Variants in NPC2 observed in about 807,000 individuals in gnomAD.
NPC2 encodes the protein Niemann-Pick disease type C2 protein.
A neutral mutation model predicts 17.0 loss-of-function variants in NPC2; 14 were observed. The observed-to-expected ratio is 0.82, with a 90% CI of 0.54 to 1.29. The LOEUF (loss-of-function observed/expected upper bound fraction) is 1.29, where lower values mean the gene tolerates loss of function less well. Ranked by LOEUF, NPC2 falls within the 50% of genes most tolerant of loss-of-function variation. The pLI is 0.00. For synonymous variants in NPC2, 75 were observed against 69.3 expected, an observed-to-expected ratio of 1.08 and a Z score of -0.41; for missense variants, 167 against 183.4, an observed-to-expected ratio of 0.91 and a Z score of 0.52.
chr14:74,481,587 T>A (rs11845370), intron 3 of NPC2, among the ~76,000 whole-genome samples: 34,605 of 152,110 alleles, frequency 0.23, 4,389 homozygotes, highest in African/African-American at 0.33. Context: ...GTAAAAAAAA[T>A]TTAGATTCTT....
chr14:74,493,013 C>A lies in NPC2; in HGVS notation c.82+180G>T, dbSNP rs370542756. On this transcript the variant is annotated intron_variant, in intron 1 of 4. Transcript: ENST00000555619. The surrounding 1 kb of genome is among the most constrained non-coding windows in gnomAD (Gnocchi z 4.1). Reference sequence around the variant, plus strand: ...GGAAAGAAACAAAGTTGTGCGCGGTCGGGTTTCATGGAGGCCGGCGCCTTC... The same window carrying A: ...GGAAAGAAACAAAGTTGTGCGCGGTAGGGTTTCATGGAGGCCGGCGCCTTC... Among the ~76,000 whole-genome samples the A allele has an allele frequency of 6.6e-6, 1 of 152,234 alleles. No homozygotes were observed. The highest frequency in any genetic ancestry group is 2.1e-4 in the South Asian group (1 of 4,838).
In NPC2 at chr14:74,480,034, A is replaced by C; in HGVS notation, c.*240T>G. On this transcript the variant is annotated 3_prime_UTR_variant, in exon 5 of 5. Transcript: ENST00000555619. ...AGTTAATGTTGTTAAAAAAAAAATTAAACATCTGCTAACCAAGTGCTGCAT... is the reference window on the plus strand; with the variant it reads ...AGTTAATGTTGTTAAAAAAAAAATTCAACATCTGCTAACCAAGTGCTGCAT... 1 of 1,476,842 alleles carries C rather than the reference A, an allele frequency of 6.8e-7. No homozygotes were observed. Among genetic ancestry groups the C allele is most frequent in the Admixed American group, 2.5e-5 (1 of 40,214 alleles). 91.5% of individuals were successfully genotyped at this position (1,476,842 alleles called of 1,614,324 possible). A position where few individuals can be genotyped will look rare whatever the true frequency, so the allele number is the denominator to read the frequency against.
At chr14:74,488,737 A>C (rs1360560489) in intron 1 of NPC2, among the ~76,000 whole-genome samples, 1 of 151,904 alleles carries the variant, frequency 6.6e-6, no homozygotes, top group Non-Finnish European at 1.5e-5. Context: ...AAATAAAATA[A>C]GACTGATTCC....
At chr14:74,485,359 T>G (rs1455350918) in intron 2 of NPC2, among the ~76,000 whole-genome samples, 1 of 149,290 alleles carries the variant, frequency 6.7e-6, no homozygotes, top group Non-Finnish European at 1.5e-5. Context: ...ATGCAATTCT[T>G]TATAAACTTT....
At position 74,483,092 on chromosome 14, in the gene NPC2, A is replaced by G. The variant is rs1177441846; in HGVS notation, c.363+1323T>C. ...CCAACGATAGAAGATTCCTACAGAA[A>G]GCAAGTTGAAGTCAACTGCCAACAG... On this transcript the variant is annotated intron_variant, in intron 3 of 4. Coordinates refer to ENST00000555619, the MANE Select transcript of NPC2 (RefSeq NM_006432.5). The G allele has an allele frequency of 1.1e-5, 13 of 1,186,904 alleles. No homozygotes were observed. In the East Asian group the frequency reaches 2.1e-4, roughly 20 times the overall value. 73.5% of individuals were successfully genotyped at this position (1,186,904 alleles called of 1,614,324 possible).
At chr14:74,485,558 A>T (rs914716288) in intron 2 of NPC2, among the ~76,000 whole-genome samples, 2 of 141,008 alleles carry the variant, frequency 1.4e-5, no homozygotes, top group Non-Finnish European at 3.0e-5. Context: ...AGGCCAGGGT[A>T]TAGTCCAGAG....
intron 1 of NPC2, among the ~76,000 whole-genome samples, chr14:74,487,235 C>T (rs1329187808): frequency 2.7e-5 from 4 of 150,300 alleles, no homozygotes; most frequent in Non-Finnish European, 4.4e-5. Context: ...AGGCGTGAGT[C>T]ATTGCACCCT....
At position 74,493,256 on chromosome 14, in the gene NPC2, TAGCTGCC is replaced by T. The variant is rs1320549584; in HGVS notation, c.12_18del (p.Ala5HisfsTer28). ...GTGCTGAGCGCCAGGAGCAGGAATGTAGCTGCCAGGAAACGCATCGCGGATAACGAAG... is the reference window on the plus strand; with the variant it reads ...GTGCTGAGCGCCAGGAGCAGGAATGTAGGAAACGCATCGCGGATAACGAAG... On this transcript the variant is annotated frameshift_variant, in exon 1 of 5. Transcript: ENST00000555619. LOFTEE classifies it high-confidence loss of function. This position sits in a 1 kb window ranked among gnomAD's most constrained non-coding sequence, Gnocchi z 4.1. The T allele has an allele frequency of 6.2e-7, 1 of 1,613,346 alleles. No individual in the cohort carries two copies. Among genetic ancestry groups the T allele is most frequent in the Non-Finnish European group, 8.5e-7 (1 of 1,179,740 alleles).
rs970145012 is a variant in NPC2 at position 74,493,241 on chromosome 14, C to T, written c.34G>A (p.Ala12Thr). The T allele has an allele frequency of 1.2e-6, 2 of 1,613,148 alleles. No homozygotes were observed. The highest frequency in any genetic ancestry group is 1.3e-5 in the African/African-American group (1 of 74,904). ...TCGGCCTGGGCAGCGGTGCTGAGCG[C>T]CAGGAGCAGGAATGTAGCTGCCAGG... The part of the protein sequence containing the change: ...RFLAATFLLL[A>T]LSTAAQAEPV... Residue 12 changes from alanine to threonine, a missense_variant, in exon 1 of 5, where the codon GCG becomes ACG. Ala to Thr is a moderately conservative substitution (Grantham distance 58). Transcript: ENST00000555619. This position sits in a 1 kb window ranked among gnomAD's most constrained non-coding sequence, Gnocchi z 4.1.
chr14:74,493,429 G>C, upstream of NPC2: 1 of 1,519,102 alleles, frequency 6.6e-7, no homozygotes, highest in Non-Finnish European at 8.9e-7. This position sits in a 1 kb window ranked among gnomAD's most constrained non-coding sequence, Gnocchi z 4.1. Flanking sequence ...CCCGGCTCCG[G>C]AAAGCCAGCT....
intron 2 of NPC2, among the ~76,000 whole-genome samples, chr14:74,484,851 G>C (rs1166392834): frequency 6.6e-6 from 1 of 150,632 alleles, no homozygotes; most frequent in African/African-American, 2.4e-5. Flanking sequence ...GAGAATCAGA[G>C]ATACCTGGAT....
At chr14:74,487,177 C>T (rs1366856193) in intron 1 of NPC2, among the ~76,000 whole-genome samples, 2 of 152,026 alleles carry the variant, frequency 1.3e-5, no homozygotes, top group African/African-American at 4.8e-5. Context: ...TCTTGATCTC[C>T]TGACCTCGTG....
chr14:74,493,458 G>C (rs1228095699), upstream of NPC2: 10 of 1,374,918 alleles, frequency 7.3e-6, no homozygotes, highest in African/African-American at 1.3e-4. This position sits in a 1 kb window ranked among gnomAD's most constrained non-coding sequence, Gnocchi z 4.1. Context: ...CTCAGGCCCA[G>C]AAGCCTGCAG....
intron 3 of NPC2, chr14:74,483,376 T>C: frequency 7.0e-7 from 1 of 1,429,670 alleles, no homozygotes; most frequent in Non-Finnish European, 9.8e-7. Flanking sequence ...GATGGAACTG[T>C]GCCATTTTAG....
intron 1 of NPC2, among the ~76,000 whole-genome samples, chr14:74,492,183 A>G (rs10136668): frequency 0.22 from 34,079 of 151,952 alleles, 4,231 homozygotes; most frequent in African/African-American, 0.32. Context: ...AAAAACTCTG[A>G]TCCCCGAATG....
intron 3 of NPC2, among the ~76,000 whole-genome samples, chr14:74,482,768 G>A (rs1421980612): frequency 6.6e-6 from 1 of 152,126 alleles, no homozygotes; most frequent in Non-Finnish European, 1.5e-5. Context: ...TTCTTCAGCT[G>A]TAAAATAGAG....
chr14:74,486,461 TAGGAGAATAGG>T, intron 1 of NPC2, 25 bp from the exon 2 acceptor site: 1 of 1,543,558 alleles, frequency 6.5e-7, no homozygotes, highest in Non-Finnish European at 8.8e-7. Flanking sequence ...TGAATTGGAA[TAGGAGAATAGG>T]AGGAGAAATA....
intron 3 of NPC2, chr14:74,482,980 G>A: frequency 5.6e-6 from 4 of 718,364 alleles, no homozygotes; most frequent in Non-Finnish European, 5.1e-6. Context: ...CATCACGGGT[G>A]AGCTAGTGGT....
chr14:74,489,489 C>CT (rs2086747421), intron 1 of NPC2, among the ~76,000 whole-genome samples: 1 of 152,156 alleles, frequency 6.6e-6, no homozygotes, highest in Admixed American at 6.5e-5. Flanking sequence ...CACACATCTG[C>CT]AATCTACAGA....
Sources: allele counts gnomAD v4.1 joint callset (sites outside exome capture counted in the v4.1 genomes callset), GRCh38; gene constraint gnomAD v4.1.1; non-coding constraint Gnocchi (gnomAD v3.1); transcripts MANE v1.5; gene names NCBI Gene and HGNC (gene_info 2026-07-23, HGNC 2026-07-21).